The following KRT27 variants were observed in gnomAD, a reference collection of about 807,000 sequenced individuals.
KRT27 encodes keratin 27, also known as keratin, type I cytoskeletal 27.
Under a neutral mutation model 45.3 loss-of-function variants are expected in KRT27, and 30 were observed. That is an observed-to-expected ratio of 0.66 (90% CI 0.50 to 0.90). The LOEUF (loss-of-function observed/expected upper bound fraction) is 0.90, where lower values mean the gene tolerates loss of function less well. Ranked by LOEUF, KRT27 falls within the 40% of genes least tolerant of loss-of-function variation. KRT27 has a pLI of 0.00. For missense variants in KRT27, 610 were observed against 564.3 expected (o/e 1.08, Z -0.82); for synonymous variants, 204 against 223.9 (o/e 0.91, Z 0.79).
chr17:40,779,131 C>T (rs77968974), intron 5 of KRT27, among the ~76,000 whole-genome samples: 1,949 of 152,258 alleles, frequency 0.013, 35 homozygotes, highest in African/African-American at 0.045. Flanking sequence ...CTCTTCCTAT[C>T]CCCCCATCCC....
In KRT27 at chr17:40,781,239, A is replaced by G. The variant is rs569656310; in HGVS notation, c.476T>C (p.Val159Ala). The change falls in exon 2 of 8, where the codon GTT becomes GCT. Residue 159 changes from valine (V) to alanine (A), a missense_variant. Transcript: ENST00000301656. ...TCTTGCATTATCATTTTGCAGGACAACATGGGCATTACTGGTAGTTGCAGA... is the reference window on the plus strand; with the variant it reads ...TCTTGCATTATCATTTTGCAGGACAGCATGGGCATTACTGGTAGTTGCAGA... ...IISATTSNAH[V>A]VLQNDNARLT... 12 of 1,611,358 alleles carry G rather than the reference A, an allele frequency of 7.4e-6. No homozygotes were observed. The South Asian group carries it at 1.1e-4, about 15-fold the overall frequency.
chr17:40,780,285 G>A lies in KRT27; in HGVS notation c.684+15C>T, dbSNP rs752803728. 3 of 1,585,010 alleles carry A rather than the reference G, an allele frequency of 1.9e-6. No homozygotes were observed. The highest frequency in any genetic ancestry group is 2.3e-5 in the South Asian group (2 of 87,690). ...AGGGAGGCGATTGTGAGAGCCAGCC[G>A]GGTGGAGCTTCTACCTCCTCATGAT... On this transcript the variant is annotated intron_variant, in intron 3 of 7. Coordinates refer to ENST00000301656, the MANE Select transcript of KRT27 (RefSeq NM_181537.4).
At chr17:40,779,174 C>G (rs996063844) in intron 5 of KRT27, among the ~76,000 whole-genome samples, 8 of 152,184 alleles carry the variant, frequency 5.3e-5, no homozygotes, top group African/African-American at 1.9e-4. Flanking sequence ...TTATCCCACT[C>G]TCTACTTCTG....
Position 40,779,795 on chromosome 17 carries a change from C to T in KRT27, c.751G>A (p.Val251Ile). The change falls in exon 4 of 8, where the codon GTA (valine) becomes ATA (isoleucine). Residue 251 changes from valine (V) to isoleucine (I), a missense_variant. By Grantham distance (29) the Val-to-Ile change is conservative. Coordinates refer to ENST00000301656, the MANE Select transcript of KRT27 (RefSeq NM_181537.4). The part of the protein sequence containing the change: ...VNVEMNAAPG[V>I]DLTVLLNNMR... ...TTGTTCAGCAGAACCGTGAGGTCTACCCCGGGGGCCGCGTTCATCTCCACG... is the reference window on the plus strand; with the variant it reads ...TTGTTCAGCAGAACCGTGAGGTCTATCCCGGGGGCCGCGTTCATCTCCACG... 1.9e-6 allele frequency: 3 copies of T among 1,614,272 alleles called. No individual in the cohort carries two copies. The highest frequency in any genetic ancestry group is 2.5e-6 in the Non-Finnish European group (3 of 1,180,044).
Position 40,780,418 on chromosome 17 carries a change from G to A in KRT27, c.566C>T (p.Ala189Val), listed in dbSNP as rs2038302016. ...NELALHQSVEADINGLRRVLD... is the reference protein window; with the variant it reads ...NELALHQSVEVDINGLRRVLD... ...GACTCTTCGCAAACCATTGATGTCCGCCTCCACGCTCTGGTGAAGCGCTAG... is the reference window on the plus strand; with the variant it reads ...GACTCTTCGCAAACCATTGATGTCCACCTCCACGCTCTGGTGAAGCGCTAG... Residue 189 changes from alanine to valine, a missense_variant, in exon 3 of 8, where the codon GCG (alanine) becomes GTG (valine). Physicochemically the swap from Ala to Val is moderately conservative, Grantham distance 64. Transcript: ENST00000301656. 3.7e-6 allele frequency: 6 copies of A among 1,613,536 alleles called. No homozygotes were observed. Among genetic ancestry groups the A allele is most frequent in the Non-Finnish European group, 4.2e-6 (5 of 1,179,866 alleles).
rs1392695385 is a variant in KRT27, at chr17:40,782,332, A to G, written c.162T>C (p.Ser54=). 6.2e-7 allele frequency: 1 copy of G among 1,614,202 alleles called. No homozygotes were observed. Among genetic ancestry groups the G allele is most frequent in the Non-Finnish European group, 8.5e-7 (1 of 1,180,026 alleles). The part of the protein sequence containing the change: ...GFSCAFGGSS[S]AGGYGGGLGG... ...CCAGACCTCCGCCATAGCCTCCTGC[A>G]GATGAGCTGCCCCCAAAAGCACAAG... Residue 54 remains serine (S), a synonymous_variant, in exon 1 of 8, where the codon TCT becomes TCC. Transcript: ENST00000301656.
Position 40,777,311 on chromosome 17 carries a change from G to A in KRT27, c.1191-9C>T. 6.2e-7 allele frequency: 1 copy of A among 1,607,080 alleles called. No homozygotes were observed. On this transcript the variant is annotated splice_polypyrimidine_tract_variant and intron_variant, in intron 6 of 7. Coordinates refer to ENST00000301656, the MANE Select transcript of KRT27 (RefSeq NM_181537.4). ...TTGATTTAGAACAGGAGCTGTAAAA[G>A]TATAGAGCGCTTATATTAATTATTC...
At chr17:40,780,991 G>A (rs1392838650) in intron 2 of KRT27, among the ~76,000 whole-genome samples, 197 bp downstream of exon 2, 2 of 152,140 alleles carry the variant, frequency 1.3e-5, no homozygotes, top group African/African-American at 4.8e-5. Context: ...TTTGACACTC[G>A]TTTTTGTTAG....
Position 40,777,237 on chromosome 17 carries a change from C to G in KRT27, c.1240+16G>C. On this transcript the variant is annotated intron_variant, in intron 7 of 7. Transcript: ENST00000301656. The stretch of plus-strand genomic sequence containing the variant: ...ATACAAATAAACACTGAATGCCTAA[C>G]ACAGCTTTTGTTTACCTTTTGTTTG... 5 of 1,613,582 alleles carry G rather than the reference C, an allele frequency of 3.1e-6. No homozygotes were observed. Among genetic ancestry groups the G allele is most frequent in the Non-Finnish European group, 4.2e-6 (5 of 1,179,778 alleles).
At chr17:40,781,517 C>T (rs1283999488) in intron 1 of KRT27, among the ~76,000 whole-genome samples, 1 of 152,224 alleles carries the variant, frequency 6.6e-6, no homozygotes, top group Non-Finnish European at 1.5e-5. Context: ...GCAACCTCCA[C>T]CTCCCAGATT....
intron 5 of KRT27, among the ~76,000 whole-genome samples, chr17:40,778,915 G>A (rs1185936066): frequency 1.3e-5 from 2 of 151,958 alleles, no homozygotes; most frequent in African/African-American, 4.8e-5. Context: ...AACACACAAT[G>A]TGTAGTGATA....
Position 40,777,531 on chromosome 17 carries a change from T to C in KRT27, c.1174A>G (p.Ile392Val). ...EKEIETYCLL[I>V]DGEDGSCSKS... ...AATACTGACCCATCTTCTCCATCTA[T>C]CAGGAGGCAGTAGGTCTCAATTTCT... Residue 392 changes from isoleucine (I) to valine (V), a missense_variant, in exon 6 of 8, where the codon ATA becomes GTA. Coordinates refer to ENST00000301656, the MANE Select transcript of KRT27 (RefSeq NM_181537.4). 1 of 1,613,984 alleles carries C rather than the reference T, an allele frequency of 6.2e-7. No homozygotes were observed. Among genetic ancestry groups the C allele is most frequent in the Non-Finnish European group, 8.5e-7 (1 of 1,179,850 alleles).
Position 40,777,136 on chromosome 17 carries a change from A to G in KRT27, c.1243T>C (p.Ser415Pro), listed in dbSNP as rs62622790. The G allele has an allele frequency of 6.2e-7, 1 of 1,612,462 alleles. No homozygotes were observed. Among genetic ancestry groups the G allele is most frequent in the Non-Finnish European group, 8.5e-7 (1 of 1,178,916 alleles). ...YGGPGNQTKD[S>P]SKTTIVKTVV... ...GTTTTGACAATGGTGGTTTTAGATG[A>G]ATCTAAAATGCCACATATAAACTGT... The change falls in exon 8 of 8, where the codon TCA becomes CCA. Residue 415 changes from serine (S) to proline (P), a missense_variant and splice_region_variant. Transcript: ENST00000301656.
At position 40,777,010 on chromosome 17, in the gene KRT27, C is replaced by T. The variant is rs376180518; in HGVS notation, c.1369G>A (p.Val457Met). The T allele has an allele frequency of 6.2e-7, 1 of 1,611,246 alleles. No homozygotes were observed. The highest frequency in any genetic ancestry group is 1.7e-5 in the Admixed American group (1 of 59,918). The change falls in exon 8 of 8, where the codon GTG becomes ATG. Residue 457 changes from valine (V) to methionine (M), a missense_variant. By Grantham distance (21) the Val-to-Met change is conservative. Transcript: ENST00000301656. ...TKVNNKNEQR[V>M]SS ...TCAGAGGCTGGAGTTCAGGAAGACACCCTCTGTTCATTCTTGTTGTTGACT... is the reference window on the plus strand; with the variant it reads ...TCAGAGGCTGGAGTTCAGGAAGACATCCTCTGTTCATTCTTGTTGTTGACT...
rs2144156372 is a variant in KRT27, at chr17:40,777,097, T to A, written c.1282A>T (p.Ile428Leu). The A allele has an allele frequency of 6.2e-7, 1 of 1,614,102 alleles. No individual in the cohort carries two copies. The highest frequency in any genetic ancestry group is 8.5e-7 in the Non-Finnish European group (1 of 1,179,956). The stretch of plus-strand genomic sequence containing the variant: ...GAGAGAACTTTGCCACGAGGATCTA[T>A]CTCTTCAACAACTGTTTTGACAATG... The part of the protein sequence containing the change: ...TTIVKTVVEE[I>L]DPRGKVLSSR... The change falls in exon 8 of 8, where the codon ATA (isoleucine) becomes TTA (leucine). Residue 428 changes from isoleucine to leucine, a missense_variant. By Grantham distance (5) the Ile-to-Leu change is conservative. Coordinates refer to ENST00000301656, the MANE Select transcript of KRT27 (RefSeq NM_181537.4).
rs748778252 is a variant in KRT27 at position 40,781,216 on chromosome 17, T to G, written c.499A>C (p.Arg167=). The G allele has an allele frequency of 5.6e-6, 9 of 1,611,692 alleles. No individual in the cohort carries two copies. Among genetic ancestry groups the G allele is most frequent in the Non-Finnish European group, 7.6e-6 (9 of 1,178,620 alleles). Residue 167 remains arginine (R), a synonymous_variant, in exon 2 of 8, where the codon AGA becomes CGA. Transcript: ENST00000301656. ...AGTCTGAAGTCATCAGCTGTTAGTC[T>G]TGCATTATCATTTTGCAGGACAACA... ...AHVVLQNDNA[R]LTADDFRLKF... is the part of the protein sequence containing the mutation.
chr17:40,777,106 C>T lies in KRT27; in HGVS notation c.1273G>A (p.Val425Ile). The change falls in exon 8 of 8, where the codon GTT becomes ATT. Residue 425 changes from valine to isoleucine, a missense_variant. Val to Ile is a conservative substitution (Grantham distance 29). Transcript: ENST00000301656. ...TTGCCACGAGGATCTATCTCTTCAACAACTGTTTTGACAATGGTGGTTTTA... is the reference window on the plus strand; with the variant it reads ...TTGCCACGAGGATCTATCTCTTCAATAACTGTTTTGACAATGGTGGTTTTA... Reference protein sequence around the residue: ...SSKTTIVKTVVEEIDPRGKVL... With the variant: ...SSKTTIVKTVIEEIDPRGKVL... 1 of 1,613,998 alleles carries T rather than the reference C, an allele frequency of 6.2e-7. No individual in the cohort carries two copies. Among genetic ancestry groups the T allele is most frequent in the Non-Finnish European group, 8.5e-7 (1 of 1,179,904 alleles).
Position 40,781,876 on chromosome 17 carries a change from G to T in KRT27, c.444+174C>A, listed in dbSNP as rs538254665. 6.9e-4 allele frequency among the ~76,000 whole-genome samples: 101 copies of T among 146,082 alleles called. 2 individuals carry two copies. In the South Asian group the frequency reaches 0.01, roughly 15 times the overall value. On this transcript the variant is annotated intron_variant, in intron 1 of 7. Coordinates refer to ENST00000301656, the MANE Select transcript of KRT27 (RefSeq NM_181537.4). ...ATACCTAATACTACATGATGGACGT[G>T]CCATGTTCAAATATTAGAATTTATT...
In KRT27 at chr17:40,779,734, T is replaced by C; in HGVS notation, c.812A>G (p.Asn271Ser). The part of the protein sequence containing the change: ...RAEYEALAEQ[N>S]RRDAEAWFNE... Reference sequence around the variant, plus strand: ...GAACCAGGCCTCCGCGTCCCTGCGGTTCTGCTCTGCGAGGGCTTCGTACTC... The same window carrying C: ...GAACCAGGCCTCCGCGTCCCTGCGGCTCTGCTCTGCGAGGGCTTCGTACTC... The change falls in exon 4 of 8, where the codon AAC becomes AGC. Residue 271 changes from asparagine (N) to serine (S), a missense_variant. Asn to Ser is a conservative substitution (Grantham distance 46). Coordinates refer to ENST00000301656, the MANE Select transcript of KRT27 (RefSeq NM_181537.4). 7 of 1,614,200 alleles carry C rather than the reference T, an allele frequency of 4.3e-6. No homozygotes were observed. The highest frequency in any genetic ancestry group is 5.9e-6 in the Non-Finnish European group (7 of 1,180,034).
Sources: allele counts gnomAD v4.1 joint callset (sites outside exome capture counted in the v4.1 genomes callset), GRCh38; gene constraint gnomAD v4.1.1; transcripts MANE v1.5; gene names NCBI Gene and HGNC (gene_info 2026-07-23, HGNC 2026-07-21).